Variants in PTPN4 observed in about 807,000 individuals in gnomAD.
PTPN4 encodes the protein tyrosine-protein phosphatase non-receptor type 4.
Under a neutral mutation model 135.5 loss-of-function variants are expected in PTPN4, and 49 were observed. The observed-to-expected ratio is 0.36, with a 90% CI of 0.29 to 0.46. The LOEUF (loss-of-function observed/expected upper bound fraction) is 0.46. Ranked by LOEUF, PTPN4 falls within the 20% of genes least tolerant of loss-of-function variation. The pLI is 1.00. For missense variants in PTPN4, 860 were observed against 1,101.0 expected (o/e 0.78, Z 3.10); for synonymous variants, 333 against 369.9 (o/e 0.90, Z 1.14).
At chr2:119,903,010 A>G (rs551839405) in intron 10 of PTPN4, among the ~76,000 whole-genome samples, 2 of 151,994 alleles carry the variant, frequency 1.3e-5, no homozygotes, top group South Asian at 4.2e-4. Flanking sequence ...CCCACTGACA[A>G]CCCTCCATGT....
In PTPN4 at chr2:119,881,933, A is replaced by G. The variant is rs1023270491; in HGVS notation, c.413+103A>G. On this transcript the variant is annotated intron_variant, in intron 6 of 26. Transcript: ENST00000263708. ...ATGGTCATTGCAAACAAATTATTTA[A>G]GAAGGTTACATGTAGTGTGAATTCC... 11 of 1,084,934 alleles carry G rather than the reference A, an allele frequency of 1.0e-5. No homozygotes were observed. The African/African-American group carries it at 1.6e-4, about 16-fold the overall frequency. 67.2% of individuals were successfully genotyped at this position (1,084,934 alleles called of 1,614,324 possible).
intron 1 of PTPN4, among the ~76,000 whole-genome samples, chr2:119,800,034 G>T (rs1317406088): frequency 6.6e-6 from 1 of 152,116 alleles, no homozygotes; most frequent in Admixed American, 6.5e-5. Context: ...TTCTTTTTGG[G>T]TAAAAGGGAG....
rs759343930 is a variant in PTPN4 at position 119,882,577 on chromosome 2, C to T, written c.541C>T (p.Pro181Ser). 15 of 1,562,982 alleles carry T rather than the reference C, an allele frequency of 9.6e-6. No individual in the cohort carries two copies. The highest frequency in any genetic ancestry group is 8.7e-7 in the Non-Finnish European group (1 of 1,145,418). ...AGATTATTCTTTCATTCCTAATCAA[C>T]CTCAAGATTTTGAAAAAGAAATTGC... ...LSDYSFIPNQ[P>S]QDFEKEIAKL... Residue 181 changes from proline to serine, a missense_variant, in exon 8 of 27, where the codon CCT becomes TCT. Physicochemically the swap from Pro to Ser is moderately conservative, Grantham distance 74 (BLOSUM62 -1). Around this residue, in one of 2 missense-constraint regions of PTPN4, gnomAD observed 684 missense variants for 807.0 expected, o/e 0.85. Transcript: ENST00000263708.
Position 119,977,136 on chromosome 2 carries a change from G to T in PTPN4, c.*66G>T. The stretch of plus-strand genomic sequence containing the variant: ...TCCCTTATGTTCACTGTGCCATAAT[G>T]CTGCTCGCAGGAAATGGCATTTTAC... On this transcript the variant is annotated 3_prime_UTR_variant, in exon 27 of 27. Transcript: ENST00000263708. The T allele has an allele frequency of 6.9e-7, 1 of 1,452,632 alleles. No individual in the cohort carries two copies. Among genetic ancestry groups the T allele is most frequent in the Non-Finnish European group, 9.1e-7 (1 of 1,102,860 alleles). The allele number at this position is 1,452,632 out of a possible 1,614,324, so 90.0% of individuals were successfully genotyped here.
At chr2:119,795,578 G>A (rs984803863) in intron 1 of PTPN4, among the ~76,000 whole-genome samples, 15 of 152,366 alleles carry the variant, frequency 9.8e-5, no homozygotes, top group African/African-American at 2.4e-4. Context: ...CTCCACAGTC[G>A]GAGCTGGCGT....
intron 2 of PTPN4, among the ~76,000 whole-genome samples, chr2:119,835,869 A>C (rs1265282468): frequency 6.6e-6 from 1 of 152,192 alleles, no homozygotes; most frequent in Non-Finnish European, 1.5e-5. Context: ...AGAGATCGAA[A>C]CCATCCTGGC....
Position 119,862,639 on chromosome 2 carries a change from A to T in PTPN4, c.242A>T (p.Asn81Ile). The part of the protein sequence containing the change: ...GLQLADDSTD[N>I]PRWLDPNKPI... Reference sequence around the variant, plus strand: ...CAGTTGGCTGATGATTCCACAGATAACCCAGTAAGTGTAAGATTTTGTCTT... The same window carrying T: ...CAGTTGGCTGATGATTCCACAGATATCCCAGTAAGTGTAAGATTTTGTCTT... Residue 81 changes from asparagine (N) to isoleucine (I), a missense_variant, in exon 3 of 27, where the codon AAC (asparagine) becomes ATC (isoleucine). Physicochemically the swap from Asn to Ile is moderately radical, Grantham distance 149 (BLOSUM62 -3). Coordinates refer to ENST00000263708, the MANE Select transcript of PTPN4 (RefSeq NM_002830.4). 1 of 1,601,940 alleles carries T rather than the reference A, an allele frequency of 6.2e-7. No homozygotes were observed. Among genetic ancestry groups the T allele is most frequent in the Non-Finnish European group, 8.5e-7 (1 of 1,170,608 alleles).
At chr2:119,864,317 A>G (rs1036127847) in intron 3 of PTPN4, among the ~76,000 whole-genome samples, 4 of 152,234 alleles carry the variant, frequency 2.6e-5, no homozygotes, top group Admixed American at 6.5e-5. Context: ...TACTTTTTAA[A>G]TGCCTTTCTT....
chr2:119,882,409 A>G, intron 7 of PTPN4, 94 bp from the exon 8 acceptor site: 1 of 1,224,738 alleles, frequency 8.2e-7, no homozygotes, highest in Admixed American at 3.0e-5. Context: ...TAAGTATTTT[A>G]CATCCAGAAA....
In PTPN4 at chr2:119,980,826, A is replaced by G. The variant is rs1679681356; in HGVS notation, c.*3756A>G. ...TATTTAGACTGATAACACATGCAGT[A>G]TGAAAACATTATAGACTGCAGTTAG... On this transcript the variant is annotated 3_prime_UTR_variant, in exon 27 of 27. Coordinates refer to ENST00000263708, the MANE Select transcript of PTPN4 (RefSeq NM_002830.4). The G allele has an allele frequency of 6.6e-6, 1 of 152,062 alleles. No individual in the cohort carries two copies. The highest frequency in any genetic ancestry group is 2.4e-5 in the African/African-American group (1 of 41,452). The allele number at this position is 152,062 out of a possible 1,614,324, so 9.4% of individuals were successfully genotyped here. A position where few individuals can be genotyped will look rare whatever the true frequency, so the allele number is the denominator to read the frequency against.
chr2:119,960,696 T>G, intron 22 of PTPN4, 111 bp from the exon 23 acceptor site: 2 of 939,062 alleles, frequency 2.1e-6, no homozygotes, highest in Non-Finnish European at 2.9e-6. Flanking sequence ...CTGACGGCAG[T>G]TTATTGAGGT....
chr2:119,881,927 T>G, intron 6 of PTPN4, 97 bp downstream of exon 6: 1 of 1,120,688 alleles, frequency 8.9e-7, no homozygotes, highest in Non-Finnish European at 1.3e-6. Flanking sequence ...GCAAACAAAT[T>G]ATTTAAGAAG....
At position 119,857,442 on chromosome 2, in the gene PTPN4, G is replaced by A. The variant is rs377031376; in HGVS notation, c.139-5094G>A. 8.6e-4 allele frequency among the ~76,000 whole-genome samples: 131 copies of A among 151,824 alleles called. 1 individual carries two copies. The South Asian group carries it at 0.01, about 12-fold the overall frequency. On this transcript the variant is annotated intron_variant, in intron 2 of 26. Transcript: ENST00000263708. ...CCAGCTACTGGGGAGGCTGAGGCAG[G>A]GGAATTGCTTGAACCAGTGAGGTGG... is the stretch of plus-strand genomic sequence containing the variant.
chr2:119,810,829 C>CT (rs1352439916), intron 2 of PTPN4, among the ~76,000 whole-genome samples: 2 of 151,800 alleles, frequency 1.3e-5, no homozygotes, highest in South Asian at 2.1e-4. Context: ...CTCTACATGA[C>CT]TTTTTTTTCC....
chr2:119,912,124 AAC>A (rs143164565), intron 10 of PTPN4, among the ~76,000 whole-genome samples: 1,914 of 152,306 alleles, frequency 0.013, 38 homozygotes, highest in African/African-American at 0.041. Flanking sequence ...TTTAGTGAAA[AAC>A]ACAATGCAGA....
rs138701731 is a variant in PTPN4 at position 119,933,900 on chromosome 2, T to A, written c.1197-900T>A. The stretch of plus-strand genomic sequence containing the variant: ...ATGATTACATATATTCAAAGCCTCA[T>A]TAGCTTGTCTGAAGAAAATTCAGAC... On this transcript the variant is annotated intron_variant, in intron 14 of 26. Coordinates refer to ENST00000263708, the MANE Select transcript of PTPN4 (RefSeq NM_002830.4). Among the ~76,000 whole-genome samples, 1,234 of 152,308 alleles carry A rather than the reference T, an allele frequency of 8.1e-3. 18 individuals carry two copies. The highest frequency in any genetic ancestry group is 0.025 in the African/African-American group (1,040 of 41,566).
chr2:119,885,726 T>C lies in PTPN4; in HGVS notation c.588-69T>C, dbSNP rs536900151. 79 of 1,132,478 alleles carry C rather than the reference T, an allele frequency of 7.0e-5. 2 individuals carry two copies. The South Asian group carries it at 1.0e-3, about 15-fold the overall frequency. 70.2% of individuals were successfully genotyped at this position (1,132,478 alleles called of 1,614,324 possible). On this transcript the variant is annotated intron_variant, in intron 8 of 26. Coordinates refer to ENST00000263708, the MANE Select transcript of PTPN4 (RefSeq NM_002830.4). ...TCAGTTTTTTCAGATAAATAGCCTT[T>C]TTCTAATTTAGCCATATTTATTTGA... is the stretch of plus-strand genomic sequence containing the variant.
chr2:119,963,728 G>C (rs555096583), intron 24 of PTPN4, among the ~76,000 whole-genome samples: 22 of 152,306 alleles, frequency 1.4e-4, no homozygotes, highest in Admixed American at 2.6e-4. Flanking sequence ...AATGAATTTA[G>C]GGTTTGGGGA....
rs1338185043 is a variant in PTPN4 at position 119,945,154 on chromosome 2, C to G, written c.1429C>G (p.Gln477Glu). ...ACAGTCAAAGAAAAACAGTTGGAAC[C>G]AAATTCATTATTCACATTCGCAACA... is the stretch of plus-strand genomic sequence containing the variant. ...PKQSKKNSWN[Q>E]IHYSHSQQDL... The change falls in exon 16 of 27, where the codon CAA becomes GAA. Residue 477 changes from glutamine (Q) to glutamate (E), a missense_variant. Physicochemically the swap from Gln to Glu is conservative, Grantham distance 29 (BLOSUM62 2). Transcript: ENST00000263708. 8.7e-6 allele frequency: 14 copies of G among 1,601,136 alleles called. No individual in the cohort carries two copies. The highest frequency in any genetic ancestry group is 1.1e-5 in the Non-Finnish European group (13 of 1,174,630).
Sources: gnomAD v4.1 joint callset for allele counts (sites outside exome capture counted in the v4.1 genomes callset) on GRCh38, gnomAD v4.1.1 for gene constraint, gnomAD v4.1.1 regional missense constraint, MANE v1.5 for transcripts, NCBI Gene and HGNC (gene_info 2026-07-23, HGNC 2026-07-21) for gene names.